The following RABEPK variants were observed in gnomAD, a reference collection of about 807,000 sequenced individuals.
RABEPK encodes 40 kDa Rab9 effector protein.
A neutral mutation model predicts 34.1 loss-of-function variants in RABEPK; 27 were observed. That is an observed-to-expected ratio of 0.79 (90% CI 0.58 to 1.09). The LOEUF (loss-of-function observed/expected upper bound fraction) is 1.09. Among genes scored for constraint, RABEPK ranks in the 50% least tolerant of loss-of-function variants. RABEPK has a pLI of 0.00. For synonymous variants in RABEPK, 172 were observed against 169.2 expected (o/e 1.02, Z -0.13); for missense variants, 449 against 462.6 (o/e 0.97, Z 0.27).
intron 4 of RABEPK, among the ~76,000 whole-genome samples, chr9:125,215,314 CTTT>C (rs1054139180): frequency 7.3e-6 from 1 of 137,004 alleles, no homozygotes; most frequent in South Asian, 2.3e-4. Flanking sequence ...TTGTTGGTAA[CTTT>C]TTTTTTTTTC....
chr9:125,219,769 C>T (rs1405657292), intron 4 of RABEPK, among the ~76,000 whole-genome samples: 1 of 152,110 alleles, frequency 6.6e-6, no homozygotes, highest in Non-Finnish European at 1.5e-5. Context: ...TGGGCTCAAG[C>T]AATCCTCCTA....
chr9:125,214,883 C>T (rs1395845964), intron 4 of RABEPK, among the ~76,000 whole-genome samples: 3 of 150,780 alleles, frequency 2.0e-5, no homozygotes, highest in Non-Finnish European at 4.4e-5. Context: ...CTCTGCCTCC[C>T]GGGTTCAAGT....
At chr9:125,219,631 A>G (rs769930532) in intron 4 of RABEPK, among the ~76,000 whole-genome samples, 136 of 151,730 alleles carry the variant, frequency 9.0e-4, no homozygotes, top group Non-Finnish European at 9.4e-4. Context: ...TAGAACTCCT[A>G]CCCTCAAGTG....
intron 5 of RABEPK, among the ~76,000 whole-genome samples, chr9:125,225,353 C>T (rs2131419294): frequency 6.7e-6 from 1 of 149,748 alleles, no homozygotes; most frequent in East Asian, 2.0e-4. Flanking sequence ...TGCCATTGCA[C>T]TCCAGCCTAG....
intron 3 of RABEPK, among the ~76,000 whole-genome samples, chr9:125,208,247 G>A (rs1338839384): frequency 1.3e-5 from 2 of 152,124 alleles, no homozygotes; most frequent in Non-Finnish European, 2.9e-5. Context: ...GAACCCTTAT[G>A]GAGCCCTGGT....
At chr9:125,217,769 G>C (rs931425091) in intron 4 of RABEPK, among the ~76,000 whole-genome samples, 18 of 152,100 alleles carry the variant, frequency 1.2e-4, no homozygotes, top group African/African-American at 4.3e-4. Flanking sequence ...GGTCTTCTGG[G>C]CCTGGAGGTG....
At chr9:125,210,403 CAAA>C (rs775128302) in intron 3 of RABEPK, among the ~76,000 whole-genome samples, 70 of 67,856 alleles carry the variant, frequency 1.0e-3, no homozygotes, top group South Asian at 3.7e-3. Context: ...GTCTCCGTCT[CAAA>C]AAAAAAAAAA....
chr9:125,210,756 A>G (rs1318770546), intron 3 of RABEPK, among the ~76,000 whole-genome samples: 2 of 151,448 alleles, frequency 1.3e-5, no homozygotes, highest in Non-Finnish European at 2.9e-5. Flanking sequence ...TTTGCTCTAC[A>G]CAAGGGCAGA....
At chr9:125,220,084 C>T (rs1831216006) in intron 4 of RABEPK, among the ~76,000 whole-genome samples, 1 of 152,030 alleles carries the variant, frequency 6.6e-6, no homozygotes, top group Non-Finnish European at 1.5e-5. Context: ...CTGCAACCTT[C>T]ACCTCCTGGG....
intron 7 of RABEPK, 98 bp from the exon 8 acceptor site, chr9:125,233,590 C>T (rs1453630885): frequency 7.7e-7 from 1 of 1,294,666 alleles, no homozygotes; most frequent in East Asian, 2.3e-5. Context: ...GATCCACCCG[C>T]TTCGGCCTCC....
intron 5 of RABEPK, among the ~76,000 whole-genome samples, chr9:125,227,157 C>A (rs574605287): frequency 1.3e-5 from 2 of 151,616 alleles, no homozygotes; most frequent in East Asian, 3.9e-4. Flanking sequence ...GCGACAAGAC[C>A]GAAACTTTGT....
At chr9:125,232,217 T>A (rs1832238331) in intron 6 of RABEPK, among the ~76,000 whole-genome samples, 1 of 118,086 alleles carries the variant, frequency 8.5e-6, no homozygotes, top group African/African-American at 3.0e-5. Flanking sequence ...GTATTTAAAG[T>A]ACACACACAC....
chr9:125,233,319 T>C (rs1832341281), intron 7 of RABEPK, among the ~76,000 whole-genome samples: 1 of 150,162 alleles, frequency 6.7e-6, no homozygotes, highest in African/African-American at 2.4e-5. Flanking sequence ...GCTTTCACTA[T>C]CTGGAAATTG....
intron 5 of RABEPK, among the ~76,000 whole-genome samples, chr9:125,226,438 T>A (rs77282060): frequency 0.023 from 3,539 of 151,820 alleles, 158 homozygotes; most frequent in African/African-American, 0.081. Context: ...AATAAATAAA[T>A]AACAAGGCTG....
chr9:125,209,732 T>C (rs1224018767), intron 3 of RABEPK, among the ~76,000 whole-genome samples: 1 of 152,190 alleles, frequency 6.6e-6, no homozygotes, highest in Non-Finnish European at 1.5e-5. Flanking sequence ...TTGAGCTCTC[T>C]GGCCTCCATG....
intron 4 of RABEPK, among the ~76,000 whole-genome samples, chr9:125,220,115 C>T (rs1831218469): frequency 6.6e-6 from 1 of 152,104 alleles, no homozygotes; most frequent in Non-Finnish European, 1.5e-5. Context: ...TCTCCTGCCT[C>T]AACCTCCTGA....
intron 3 of RABEPK, among the ~76,000 whole-genome samples, chr9:125,212,764 G>C (rs1014537170): frequency 6.6e-6 from 1 of 151,398 alleles, no homozygotes; most frequent in East Asian, 1.9e-4. Context: ...AATAACCCTG[G>C]GTTCAAGCGA....
intron 3 of RABEPK, among the ~76,000 whole-genome samples, chr9:125,212,505 C>T (rs1024494218): frequency 1.3e-5 from 2 of 151,980 alleles, no homozygotes; most frequent in Non-Finnish European, 2.9e-5. Context: ...AGGCATGAGC[C>T]ACAGCGCCTG....
chr9:125,222,864 G>T (rs1307956402), intron 5 of RABEPK, among the ~76,000 whole-genome samples: 1 of 152,082 alleles, frequency 6.6e-6, no homozygotes. Context: ...TAGAGTCAGG[G>T]TCTCACTGCA....
Sources: gnomAD v4.1 joint callset for allele counts (sites outside exome capture counted in the v4.1 genomes callset) on GRCh38, gnomAD v4.1.1 for gene constraint, MANE v1.5 for transcripts, NCBI Gene and HGNC (gene_info 2026-07-23, HGNC 2026-07-21) for gene names.